GRIP1: variants seen among roughly 807,000 people sequenced by gnomAD.
The protein encoded by GRIP1 is glutamate receptor-interacting protein 1.
In GRIP1, 45 loss-of-function variants were observed where a neutral mutation model predicts 129.9. That is an observed-to-expected ratio of 0.35 (90% CI 0.27 to 0.44). The LOEUF (loss-of-function observed/expected upper bound fraction) is 0.44. Ranked by LOEUF, GRIP1 falls within the 20% of genes least tolerant of loss-of-function variation. GRIP1 has a pLI of 1.00. For synonymous variants in GRIP1, 530 were observed against 520.8 expected, an observed-to-expected ratio of 1.02 and a Z score of -0.24; for missense variants, 1,196 against 1,396.8, an observed-to-expected ratio of 0.86 and a Z score of 2.29.
rs528979731 is a variant in GRIP1, at chr12:66,716,148, C to T, written c.-419-85812G>A. Among the ~76,000 whole-genome samples, 3 of 151,986 alleles carry T rather than the reference C, an allele frequency of 2.0e-5. 1 individual carries two copies. In the South Asian group the frequency reaches 6.2e-4, roughly 32 times the overall value. On this transcript the variant is annotated intron_variant, in intron 1 of 4. Transcript: ENST00000538373. ...ACTTTCCTCTGTAAGGAAGATCAAA[C>T]GTGATAAAGTGTAACTACTTTGAGA...
intron 1 of GRIP1, among the ~76,000 whole-genome samples, chr12:66,658,739 T>C (rs1287284261): frequency 1.3e-5 from 2 of 151,688 alleles, no homozygotes; most frequent in African/African-American, 4.8e-5. Context: ...ATCCTGTCTC[T>C]AAAAATAAAA....
chr12:67,002,713 T>A (rs1047755505), intron 1 of GRIP1, among the ~76,000 whole-genome samples: 1 of 152,238 alleles, frequency 6.6e-6, no homozygotes, highest in Non-Finnish European at 1.5e-5. Context: ...CCCAGACATA[T>A]CCAGTAGAAT....
intron 1 of GRIP1, among the ~76,000 whole-genome samples, chr12:66,755,002 G>GC (rs1324228871): frequency 6.6e-6 from 1 of 152,118 alleles, no homozygotes. Context: ...TTTCTAAAAT[G>GC]CCATTATATC....
At chr12:66,546,850 C>T (rs954589221) in intron 2 of GRIP1, among the ~76,000 whole-genome samples, 17 of 137,298 alleles carry the variant, frequency 1.2e-4, no homozygotes, top group South Asian at 4.8e-4. Flanking sequence ...CTAGGTTTAG[C>T]GAAGGGTTTC....
At chr12:66,549,079 T>C (rs11176256) in intron 2 of GRIP1, among the ~76,000 whole-genome samples, 2,743 of 152,302 alleles carry the variant, frequency 0.018, 84 homozygotes, top group African/African-American at 0.063. Context: ...TGGTGAAAAC[T>C]CTGTAAAGTA....
At chr12:66,969,538 T>A (rs1343681370) in intron 1 of GRIP1, among the ~76,000 whole-genome samples, 1 of 152,052 alleles carries the variant, frequency 6.6e-6, no homozygotes, top group East Asian at 1.9e-4. Context: ...CCTTTTACCA[T>A]CTCAAGTAGC....
chr12:66,497,736 A>C (rs1242093581), intron 7 of GRIP1, among the ~76,000 whole-genome samples: 1 of 152,140 alleles, frequency 6.6e-6, no homozygotes, highest in Non-Finnish European at 1.5e-5. Flanking sequence ...GCAAAAATGG[A>C]GAGGAGCAGG....
chr12:66,830,369 A>G (rs941133367), intron 1 of GRIP1, among the ~76,000 whole-genome samples: 1 of 152,142 alleles, frequency 6.6e-6, no homozygotes, highest in Admixed American at 6.6e-5. Context: ...GAGGGAGGTA[A>G]GAAGGTGAAA....
At chr12:66,582,241 T>C (rs1213109033) in intron 2 of GRIP1, among the ~76,000 whole-genome samples, 3 of 147,016 alleles carry the variant, frequency 2.0e-5, no homozygotes. Context: ...AATTAGGTAT[T>C]GATGGGACGT....
At chr12:66,845,772 C>T (rs2039803027) in intron 1 of GRIP1, among the ~76,000 whole-genome samples, 1 of 152,150 alleles carries the variant, frequency 6.6e-6, no homozygotes. Context: ...CTTGCAGGAA[C>T]ATCTATTCTG....
chr12:66,923,254 G>A (rs1274350902), intron 1 of GRIP1, among the ~76,000 whole-genome samples: 2 of 152,158 alleles, frequency 1.3e-5, no homozygotes, highest in South Asian at 2.1e-4. Context: ...GCCAAAGCGG[G>A]AGGATCACTT....
At chr12:66,489,614 A>G (rs1004839995) in intron 7 of GRIP1, among the ~76,000 whole-genome samples, 1 of 152,212 alleles carries the variant, frequency 6.6e-6, no homozygotes, top group Non-Finnish European at 1.5e-5. Context: ...AGTTCTGGCC[A>G]GGGCAATCAG....
intron 2 of GRIP1, among the ~76,000 whole-genome samples, chr12:66,559,765 C>A (rs995980011): frequency 1.3e-5 from 2 of 151,982 alleles, no homozygotes; most frequent in East Asian, 3.9e-4. Context: ...TCTACTAATT[C>A]AATGCAATCT....
At chr12:66,394,460 A>G in intron 16 of GRIP1, 108 bp from the exon 17 acceptor site, 1 of 903,612 alleles carries the variant, frequency 1.1e-6, no homozygotes, top group Non-Finnish European at 1.8e-6. Flanking sequence ...TCAAAGTATC[A>G]TGTCACAGAA....
At chr12:66,357,677 G>A (rs1230129042) in intron 23 of GRIP1, among the ~76,000 whole-genome samples, 1 of 152,164 alleles carries the variant, frequency 6.6e-6, no homozygotes, top group Non-Finnish European at 1.5e-5. Context: ...ATTTTGTAAA[G>A]GAGAATTCTC....
At chr12:66,620,799 T>C (rs2065238647) in intron 1 of GRIP1, among the ~76,000 whole-genome samples, 1 of 151,750 alleles carries the variant, frequency 6.6e-6, no homozygotes, top group Non-Finnish European at 1.5e-5. Context: ...CCCAGACTTT[T>C]AATGGCCAGG....
At chr12:66,718,722 G>A (rs1246139430) in intron 1 of GRIP1, among the ~76,000 whole-genome samples, 2 of 152,008 alleles carry the variant, frequency 1.3e-5, no homozygotes, top group African/African-American at 4.8e-5. Flanking sequence ...CATGGTGGCA[G>A]GCACCTGTAA....
In GRIP1 at chr12:66,551,233, C is replaced by T. The variant is rs1307471809; in HGVS notation, c.137-9283G>A. On this transcript the variant is annotated intron_variant, in intron 2 of 24. Transcript: ENST00000359742. ...GTATTTTGAAGACCAATAATCACTG[C>T]CTCTACCTTTCTGCAATTCACATTC... Among the ~76,000 whole-genome samples the T allele has an allele frequency of 3.9e-5, 6 of 152,310 alleles. No homozygotes were observed. The South Asian group carries it at 6.2e-4, about 16-fold the overall frequency.
intron 1 of GRIP1, among the ~76,000 whole-genome samples, chr12:66,757,553 T>C (rs567923138): frequency 2.0e-5 from 3 of 152,334 alleles, no homozygotes; most frequent in East Asian, 1.9e-4. Context: ...TCAACACATA[T>C]AGGAGTATTG....
Sources: allele counts gnomAD v4.1 joint callset (sites outside exome capture counted in the v4.1 genomes callset), GRCh38; gene constraint gnomAD v4.1.1; transcripts MANE v1.5; gene names NCBI Gene and HGNC (gene_info 2026-07-23, HGNC 2026-07-21).